LRP5: variants seen among roughly 807,000 people sequenced by gnomAD.
The protein encoded by LRP5 is low-density lipoprotein receptor-related protein 5.
A neutral mutation model predicts 154.1 loss-of-function variants in LRP5; 62 were observed. The ratio of observed to expected loss-of-function variants is 0.40; its 90% confidence interval spans 0.33 to 0.50. The LOEUF is 0.50. LRP5 is among the 20% of genes least tolerant of loss of function. LRP5 has a pLI of 0.55. For synonymous variants in LRP5, 966 were observed against 1,011.5 expected, an observed-to-expected ratio of 0.96 and a Z score of 0.85; for missense variants, 1,915 against 2,336.7, an observed-to-expected ratio of 0.82 and a Z score of 3.72.
intron 3 of LRP5, 37 bp downstream of exon 3, chr11:68,357,884 C>T: frequency 6.3e-7 from 1 of 1,576,128 alleles, no homozygotes; most frequent in Non-Finnish European, 8.6e-7. Context: ...CCCCTTTCCC[C>T]TTTGTCCCCA....
intron 5 of LRP5, among the ~76,000 whole-genome samples, chr11:68,382,675 G>T (rs1301059369): frequency 1.3e-5 from 2 of 152,248 alleles, no homozygotes; most frequent in East Asian, 3.9e-4. Context: ...CAGGCGGCAA[G>T]TGAAAAACGC....
At chr11:68,378,466 G>A (rs1482083814) in intron 5 of LRP5, among the ~76,000 whole-genome samples, 2 of 152,008 alleles carry the variant, frequency 1.3e-5, no homozygotes, top group Non-Finnish European at 2.9e-5. Flanking sequence ...GGGGTAGGTG[G>A]CTCGTTCCCC....
rs747296630 is a variant in LRP5 at position 68,438,321 on chromosome 11, C to A, written c.4112-125C>A. 4.2e-4 allele frequency: 404 copies of A among 959,302 alleles called. 1 individual carries two copies. The highest frequency in any genetic ancestry group is 1.2e-3 in the Middle Eastern group (4 of 3,352). The allele number at this position is 959,302 out of a possible 1,614,324, so 59.4% of individuals were successfully genotyped here. The stretch of plus-strand genomic sequence containing the variant: ...CCCAGGCCTAGCCTCCCAGCTCCCC[C>A]ACTTTCTCCCCACCCTCCACCAGTG... On this transcript the variant is annotated intron_variant, in intron 19 of 22. Coordinates refer to ENST00000294304, the MANE Select transcript of LRP5 (RefSeq NM_002335.4).
intron 5 of LRP5, among the ~76,000 whole-genome samples, chr11:68,367,477 A>T (rs560936606): frequency 6.6e-6 from 1 of 152,268 alleles, no homozygotes. Flanking sequence ...TGCTCCCTGG[A>T]GGAGGGGGTG....
chr11:68,349,044 T>C (rs2098616138), intron 2 of LRP5, among the ~76,000 whole-genome samples: 1 of 150,230 alleles, frequency 6.7e-6, no homozygotes, highest in Admixed American at 6.6e-5. Context: ...TTTTTTTTTT[T>C]TTTAATTGAG....
rs1565121994 is a variant in LRP5 at position 68,443,564 on chromosome 11, TA to T, written c.4489-2871del. On this transcript the variant is annotated intron_variant, in intron 21 of 22. Transcript: ENST00000294304. ...TATGGCATATATATATATATATATATATATATATATATATATATATATTTTT... is the reference window on the plus strand; with the variant it reads ...TATGGCATATATATATATATATATATTATATATATATATATATATATTTTT... Among the ~76,000 whole-genome samples the T allele has an allele frequency of 5.7e-3, 207 of 36,396 alleles. 4 individuals carry two copies. Among genetic ancestry groups the T allele is most frequent in the Non-Finnish European group, 7.7e-3 (147 of 19,050 alleles). The allele number at this position is 36,396 out of a possible 152,430, so 23.9% of individuals were successfully genotyped here. A position where few individuals can be genotyped will look rare whatever the true frequency, so the allele number is the denominator to read the frequency against.
At chr11:68,436,757 C>G (rs1033100003) in intron 18 of LRP5, 132 bp from the exon 19 acceptor site, 18 of 681,674 alleles carry the variant, frequency 2.6e-5, no homozygotes, top group Non-Finnish European at 4.7e-5. Context: ...TACTAGACCA[C>G]TCCCCGCTGG....
At position 68,403,657 on chromosome 11, in the gene LRP5, G is replaced by A. The variant is rs1219655418; in HGVS notation, c.1759G>A (p.Asp587Asn). Residue 587 changes from aspartate to asparagine, a missense_variant, in exon 8 of 23, where the codon GAC becomes AAC. By Grantham distance (23) the Asp-to-Asn change is conservative (BLOSUM62 1). Transcript: ENST00000294304. ...GGACGTCATCATTGACCAGCTGCCC[G>A]ACCTGATGGGGCTCAAAGCTGTGAA... ...SRDVIIDQLP[D>N]LMGLKAVNVA... 2.2e-5 allele frequency: 35 copies of A among 1,614,124 alleles called. No homozygotes were observed. The highest frequency in any genetic ancestry group is 2.6e-5 in the Non-Finnish European group (31 of 1,180,044).
intron 2 of LRP5, among the ~76,000 whole-genome samples, chr11:68,357,180 C>G (rs2153135736): frequency 6.6e-6 from 1 of 152,232 alleles, no homozygotes; most frequent in East Asian, 1.9e-4. Flanking sequence ...CGTGATCCAC[C>G]CGCCTTGGCC....
At chr11:68,429,160 G>A (rs1215901890) in intron 16 of LRP5, among the ~76,000 whole-genome samples, 2 of 150,692 alleles carry the variant, frequency 1.3e-5, no homozygotes, top group Admixed American at 6.6e-5. Flanking sequence ...GGCTGAGGCA[G>A]GAGGGTTGTT....
At chr11:68,376,856 G>A (rs958730119) in intron 5 of LRP5, among the ~76,000 whole-genome samples, 8 of 152,074 alleles carry the variant, frequency 5.3e-5, no homozygotes, top group African/African-American at 9.7e-5. Flanking sequence ...ATACATCCAC[G>A]CCCCTAAATT....
rs544107771 is a variant in LRP5, at chr11:68,403,828, G to A, written c.1801+129G>A. 1.1e-4 allele frequency: 122 copies of A among 1,105,750 alleles called. 2 individuals are homozygous for A. The South Asian group carries it at 1.4e-3, about 13-fold the overall frequency. The allele number at this position is 1,105,750 out of a possible 1,614,324, so 68.5% of individuals were successfully genotyped here. ...ACCTGGGGAAGGGCAGGACAGGAAA[G>A]GTGACAGTATCTGGCCAAGGACAGA... is the stretch of plus-strand genomic sequence containing the variant. On this transcript the variant is annotated intron_variant, in intron 8 of 22. Transcript: ENST00000294304.
intron 1 of LRP5, among the ~76,000 whole-genome samples, chr11:68,344,123 G>A (rs2098610774): frequency 6.6e-6 from 1 of 152,156 alleles, no homozygotes; most frequent in African/African-American, 2.4e-5. Flanking sequence ...GGTGGAGCCT[G>A]GGTGGCCCTG....
the LRP5 span, among the ~76,000 whole-genome samples, chr11:68,302,737 G>A: frequency 6.6e-6 from 1 of 152,202 alleles, no homozygotes; most frequent in Non-Finnish European, 1.5e-5. Context: ...CACATGTCTG[G>A]TGTTTGCTCT....
At position 68,448,790 on chromosome 11, in the gene LRP5, CTG is replaced by C; in HGVS notation, c.4587-11_4587-10del. 1 of 1,602,096 alleles carries C rather than the reference CTG, an allele frequency of 6.2e-7. No homozygotes were observed. Among genetic ancestry groups the C allele is most frequent in the East Asian group, 2.2e-5 (1 of 44,882 alleles). On this transcript the variant is annotated splice_polypyrimidine_tract_variant and intron_variant, in intron 22 of 22. Coordinates refer to ENST00000294304, the MANE Select transcript of LRP5 (RefSeq NM_002335.4). The stretch of plus-strand genomic sequence containing the variant: ...GATGTGCCTACCGAATCCCACTCCT[CTG>C]TGTGTGTCCCTTTCAGGCCCTACAT...
intron 13 of LRP5, among the ~76,000 whole-genome samples, chr11:68,418,893 G>A (rs1241125829): frequency 6.6e-6 from 1 of 152,222 alleles, no homozygotes; most frequent in East Asian, 1.9e-4. Context: ...TGCTGAGAAA[G>A]CTCCTGGGCG....
intron 21 of LRP5, among the ~76,000 whole-genome samples, chr11:68,443,585 A>ATATATATATTT (rs1259673892): frequency 4.0e-5 from 1 of 24,834 alleles, no homozygotes; most frequent in African/African-American, 1.6e-4. Flanking sequence ...ATATATATAT[A>ATATATATATTT]TTTTTTTTTT....
intron 21 of LRP5, 76 bp downstream of exon 21, chr11:68,439,992 A>G: frequency 7.2e-7 from 1 of 1,382,666 alleles, no homozygotes. Context: ...TGGCCACCGG[A>G]GGCTTCCCGG....
In LRP5 at chr11:68,443,446, C is replaced by T. The variant is rs184731077; in HGVS notation, c.4489-2990C>T. Among the ~76,000 whole-genome samples, 270 of 132,862 alleles carry T rather than the reference C, an allele frequency of 2.0e-3. 1 individual carries two copies. Among genetic ancestry groups the T allele is most frequent in the Middle Eastern group, 7.9e-3 (2 of 254 alleles). The allele number at this position is 132,862 out of a possible 152,430, so 87.2% of individuals were successfully genotyped here. A position where few individuals can be genotyped will look rare whatever the true frequency, so the allele number is the denominator to read the frequency against. On this transcript the variant is annotated intron_variant, in intron 21 of 22. Transcript: ENST00000294304. ...CGGAGGTTGCAGTGAGCCGAGATCG[C>T]GCCATTGCACTCCAGCCTGGGCGAC...
Sources: allele counts gnomAD v4.1 joint callset (sites outside exome capture counted in the v4.1 genomes callset), GRCh38; gene constraint gnomAD v4.1.1; transcripts MANE v1.5; gene names NCBI Gene and HGNC (gene_info 2026-07-23, HGNC 2026-07-21).